The following NRXN3 variants were observed in gnomAD, a reference collection of about 807,000 sequenced individuals.
NRXN3 encodes neurexin 3.
NRXN3 carries 32 observed loss-of-function variants against 137.6 expected under a neutral mutation model. The observed-to-expected ratio is 0.23, with a 90% CI of 0.18 to 0.31. The LOEUF is 0.31. Among genes scored for constraint, NRXN3 ranks in the 10% least tolerant of loss-of-function variants. NRXN3 has a pLI of 1.00. For missense variants in NRXN3, 1,574 were observed against 2,062.5 expected (o/e 0.76, Z 4.59); for synonymous variants, 798 against 784.5 (o/e 1.02, Z -0.29).
chr14:78,965,215 A>G (rs1392965759), intron 11 of NRXN3, among the ~76,000 whole-genome samples: 1 of 152,272 alleles, frequency 6.6e-6, no homozygotes, highest in Admixed American at 6.5e-5. Context: ...GGTTGTTGCC[A>G]GTTCTAAGGG....
intron 16 of NRXN3, among the ~76,000 whole-genome samples, chr14:79,565,031 A>G (rs994450130): frequency 1.3e-5 from 2 of 152,132 alleles, no homozygotes; most frequent in African/African-American, 4.8e-5. Flanking sequence ...AGTCAGGAGT[A>G]TTAATGTTTA....
chr14:78,321,223 C>T (rs1322634589), intron 4 of NRXN3, among the ~76,000 whole-genome samples: 1 of 152,032 alleles, frequency 6.6e-6, no homozygotes, highest in Non-Finnish European at 1.5e-5. Flanking sequence ...CCATCTTGAG[C>T]TCTTTCCAGT....
At chr14:79,812,407 G>T (rs546350963) in intron 20 of NRXN3, among the ~76,000 whole-genome samples, 1 of 152,192 alleles carries the variant, frequency 6.6e-6, no homozygotes, top group Non-Finnish European at 1.5e-5. Context: ...AGGAAGGGAA[G>T]AAACAATGAG....
intron 15 of NRXN3, among the ~76,000 whole-genome samples, chr14:79,268,843 G>A (rs191471393): frequency 2.0e-5 from 3 of 152,030 alleles, no homozygotes; most frequent in South Asian, 2.1e-4. Context: ...CATTAATCAA[G>A]TATTGGTTAT....
chr14:79,346,749 G>T (rs2153378669), intron 15 of NRXN3, among the ~76,000 whole-genome samples: 1 of 152,224 alleles, frequency 6.6e-6, no homozygotes, highest in South Asian at 2.1e-4. Context: ...GTTATCCAGG[G>T]TTCACTTACA....
intron 4 of NRXN3, among the ~76,000 whole-genome samples, chr14:78,509,722 CTA>C (rs891947458): frequency 8.5e-5 from 13 of 152,104 alleles, no homozygotes; most frequent in Non-Finnish European, 1.3e-4. Context: ...ACATGGGTCT[CTA>C]TTAGTCACAG....
At chr14:78,314,942 T>TTCCATC in intron 4 of NRXN3, among the ~76,000 whole-genome samples, 1 of 60,650 alleles carries the variant, frequency 1.6e-5, no homozygotes, top group East Asian at 7.0e-4. Flanking sequence ...TTTCTTTCTT[T>TTCCATC]CTTCCTTCCT....
At chr14:78,619,873 C>A (rs1222829199) in intron 4 of NRXN3, among the ~76,000 whole-genome samples, 1 of 152,072 alleles carries the variant, frequency 6.6e-6, no homozygotes, top group African/African-American at 2.4e-5. Context: ...GAGGAAGAGA[C>A]AAGAGTCTTC....
chr14:79,039,477 T>G (rs1161791242), intron 15 of NRXN3, among the ~76,000 whole-genome samples: 1 of 152,092 alleles, frequency 6.6e-6, no homozygotes, highest in Non-Finnish European at 1.5e-5. Flanking sequence ...TTTACACTGC[T>G]TCTGAGGGAC....
At chr14:79,508,916 GC>G (rs1280987103) in intron 16 of NRXN3, among the ~76,000 whole-genome samples, 2 of 152,098 alleles carry the variant, frequency 1.3e-5, no homozygotes, top group Non-Finnish European at 2.9e-5. Context: ...TGCTAACCAA[GC>G]ATGCTGGCTC....
intron 1 of NRXN3, among the ~76,000 whole-genome samples, chr14:78,173,620 C>T (rs1461385326): frequency 3.7e-5 from 5 of 135,076 alleles, no homozygotes; most frequent in Non-Finnish European, 6.4e-5. Flanking sequence ...CCACCCTAGG[C>T]GCACCCCCCC....
chr14:79,520,127 A>G (rs1227946421), intron 16 of NRXN3, among the ~76,000 whole-genome samples: 1 of 152,086 alleles, frequency 6.6e-6, no homozygotes, highest in African/African-American at 2.4e-5. Flanking sequence ...TCATCTTTTA[A>G]CATTTTAAAC....
At chr14:78,938,848 C>CTTTTTTTTTTTTTTCTTTTTTT (rs2099347154) in intron 10 of NRXN3, among the ~76,000 whole-genome samples, 2 of 132,038 alleles carry the variant, frequency 1.5e-5, no homozygotes, top group African/African-American at 5.6e-5. Context: ...AGTGATTTTT[C>CTTTTTTTTTTTTTTCTTTTTTT]TTTTTTTTTT....
chr14:79,133,696 C>A (rs910183862), intron 15 of NRXN3, among the ~76,000 whole-genome samples: 4 of 151,842 alleles, frequency 2.6e-5, no homozygotes, highest in Non-Finnish European at 5.9e-5. Flanking sequence ...GAGGCCGAGG[C>A]GGGTGGATCA....
At position 78,260,368 on chromosome 14, in the gene NRXN3, C is replaced by T. The variant is rs117421915; in HGVS notation, c.709+16566C>T. On this transcript the variant is annotated intron_variant, in intron 2 of 20. Transcript: ENST00000335750. ...GACTCACTGTTCTTGGACTGGCTCT[C>T]CTAGCCTGGGTCTGTTGGCTGAGGA... Among the ~76,000 whole-genome samples the T allele has an allele frequency of 1.0e-2, 1,520 of 152,308 alleles. 13 individuals are homozygous for T. Among genetic ancestry groups the T allele is most frequent in the Non-Finnish European group, 0.015 (1,039 of 68,026 alleles).
intron 15 of NRXN3, among the ~76,000 whole-genome samples, chr14:79,227,785 CCCTCCTCCCT>C (rs1416617200): frequency 0.04 from 3,649 of 92,216 alleles, 113 homozygotes; most frequent in East Asian, 0.056. Flanking sequence ...TTCCTTCCTT[CCCTCCTCCCT>C]TCCTCCCTTC....
chr14:78,464,415 G>A (rs917702923), intron 4 of NRXN3, among the ~76,000 whole-genome samples: 1 of 152,096 alleles, frequency 6.6e-6, no homozygotes, highest in African/African-American at 2.4e-5. Context: ...GGAGGCTGTT[G>A]GGATGACTGA....
intron 4 of NRXN3, among the ~76,000 whole-genome samples, chr14:78,635,707 G>T (rs1160430844): frequency 1.3e-5 from 2 of 152,072 alleles, no homozygotes; most frequent in Admixed American, 1.3e-4. Flanking sequence ...TACTTTTGAT[G>T]ATTCTTTTTG....
intron 15 of NRXN3, among the ~76,000 whole-genome samples, chr14:79,042,128 T>G (rs980743481): frequency 9.9e-5 from 15 of 152,270 alleles, no homozygotes; most frequent in Non-Finnish European, 1.5e-4. Flanking sequence ...ATTCCACTCC[T>G]CAGTGATGGG....
Sources: gnomAD v4.1 joint callset for allele counts (sites outside exome capture counted in the v4.1 genomes callset) on GRCh38, gnomAD v4.1.1 for gene constraint, MANE v1.5 for transcripts, NCBI Gene and HGNC (gene_info 2026-07-23, HGNC 2026-07-21) for gene names.